Variants in ANKRD20A1 observed in about 807,000 individuals in gnomAD.
The protein encoded by ANKRD20A1 is ankyrin repeat domain 20 family member A1.
ANKRD20A1 carries 2 observed loss-of-function variants against 50.9 expected under a neutral mutation model. The ratio of observed to expected loss-of-function variants is 0.04; its 90% CI spans 0.02 to 0.12. The LOEUF is 0.12. Among genes scored for constraint, ANKRD20A1 ranks in the 10% least tolerant of loss-of-function variants. ANKRD20A1 has a pLI of 1.00. For missense variants in ANKRD20A1, 31 were observed against 548.1 expected (o/e 0.06, Z 9.42); for synonymous variants, 10 against 186.2 (o/e 0.05, Z 7.70).
At chr9:67,865,563 ATTTG>A (rs1298454330) in intron 3 of ANKRD20A1, among the ~76,000 whole-genome samples, 4 of 149,106 alleles carry the variant, frequency 2.7e-5, no homozygotes, top group Admixed American at 6.7e-5. Flanking sequence ...TGGTACACAG[ATTTG>A]TTTGTTTGCC....
intron 8 of ANKRD20A1, among the ~76,000 whole-genome samples, chr9:67,881,776 CAG>C (rs1827801973): frequency 6.6e-6 from 1 of 151,364 alleles, no homozygotes; most frequent in Non-Finnish European, 1.5e-5. Context: ...GCCTGGGTGA[CAG>C]AGCAAGACTA....
chr9:67,869,185 C>CA (rs1827622873), intron 5 of ANKRD20A1, among the ~76,000 whole-genome samples: 1 of 10,250 alleles, frequency 9.8e-5, no homozygotes, highest in African/African-American at 2.3e-4. Context: ...CCATTCTAAT[C>CA]ATTCTGTTGT....
chr9:67,870,907 A>T, intron 5 of ANKRD20A1, among the ~76,000 whole-genome samples: 1 of 116,842 alleles, frequency 8.6e-6, no homozygotes. Flanking sequence ...ACTTTGCATG[A>T]TATCCAGCTA....
At position 67,884,542 on chromosome 9, in the gene ANKRD20A1, A is replaced by G. The variant is rs1827845573; in HGVS notation, c.951A>G (p.Gly317=). Residue 317 remains glycine (G), a synonymous_variant, in exon 9 of 15, where the codon GGA becomes GGG. Coordinates refer to ENST00000562196, the MANE Select transcript of ANKRD20A1 (RefSeq NM_032250.5). The stretch of plus-strand genomic sequence containing the variant: ...TACCTGGATCTTCGCATGAAAAAGG[A>G]AACAGAATAGTCAATGGACAAGGAG... ...EPLPGSSHEK[G]NRIVNGQGEG... The G allele has an allele frequency of 1.3e-6, 2 of 1,591,874 alleles. No homozygotes were observed. The highest frequency in any genetic ancestry group is 4.6e-5 in the East Asian group (2 of 43,608).
chr9:67,859,230 G>A lies in ANKRD20A1; in HGVS notation c.-197G>A. ...AGTGTCGCTGCTGAAGGCTGTGGTGGACCGGGCTGGATCGCGGATTGTGGA... is the reference window on the plus strand; with the variant it reads ...AGTGTCGCTGCTGAAGGCTGTGGTGAACCGGGCTGGATCGCGGATTGTGGA... On this transcript the variant is annotated 5_prime_UTR_variant, in exon 1 of 15. Transcript: ENST00000562196. 2 of 437,688 alleles carry A rather than the reference G, an allele frequency of 4.6e-6. 1 individual carries two copies. The highest frequency in any genetic ancestry group is 6.2e-6 in the Non-Finnish European group (2 of 323,614). 27.1% of individuals were successfully genotyped at this position (437,688 alleles called of 1,614,324 possible). A position where few individuals can be genotyped will look rare whatever the true frequency, so the allele number is the denominator to read the frequency against.
intron 3 of ANKRD20A1, among the ~76,000 whole-genome samples, chr9:67,864,747 A>G (rs1160311923): frequency 2.1e-5 from 1 of 48,158 alleles, no homozygotes; most frequent in Non-Finnish European, 4.2e-5. Flanking sequence ...GATAAGTGCA[A>G]TATATAAATT....
rs371922017 is a variant in ANKRD20A1 at position 67,882,603 on chromosome 9, T to A, written c.895-1883T>A. ...TAAGCTTTTTATTAGCTCCAACTCA[T>A]GTTTTATTAAATATACTTTTTCAAG... On this transcript the variant is annotated intron_variant, in intron 8 of 14. Transcript: ENST00000562196. Among the ~76,000 whole-genome samples, 159 of 149,766 alleles carry A rather than the reference T, an allele frequency of 1.1e-3. 1 individual carries two copies. The East Asian group carries it at 0.016, about 15-fold the overall frequency.
chr9:67,890,621 GTA>G (rs1406010182), intron 11 of ANKRD20A1, among the ~76,000 whole-genome samples: 2 of 151,876 alleles, frequency 1.3e-5, no homozygotes, highest in Admixed American at 1.3e-4. Context: ...TGCACTATGA[GTA>G]TGGGTTTTCA....
intron 9 of ANKRD20A1, among the ~76,000 whole-genome samples, chr9:67,884,884 C>T (rs557041082): frequency 4.7e-5 from 7 of 150,214 alleles, no homozygotes; most frequent in Admixed American, 6.8e-5. Flanking sequence ...AGCGAGACTC[C>T]GTCTCAGAAA....
chr9:67,884,876 C>A (rs535261564), intron 9 of ANKRD20A1, among the ~76,000 whole-genome samples: 5 of 150,498 alleles, frequency 3.3e-5, no homozygotes, highest in Non-Finnish European at 5.9e-5. Flanking sequence ...GGCGACAGAG[C>A]GAGACTCCGT....
chr9:67,883,203 A>T (rs1426750310), intron 8 of ANKRD20A1, among the ~76,000 whole-genome samples: 24 of 150,184 alleles, frequency 1.6e-4, no homozygotes, highest in African/African-American at 5.7e-4. Context: ...ATCCTTGAGG[A>T]ATCACCATAC....
At chr9:67,881,573 C>G (rs543257796) in intron 8 of ANKRD20A1, among the ~76,000 whole-genome samples, 4 of 152,312 alleles carry the variant, frequency 2.6e-5, no homozygotes, top group East Asian at 1.9e-4. Flanking sequence ...TCAAGATCAG[C>G]CTGGCCAACG....
At position 67,884,496 on chromosome 9, in the gene ANKRD20A1, C is replaced by T. The variant is rs1371067358; in HGVS notation, c.905C>T (p.Pro302Leu). 6 of 1,588,118 alleles carry T rather than the reference C, an allele frequency of 3.8e-6. No homozygotes were observed. The highest frequency in any genetic ancestry group is 5.1e-6 in the Non-Finnish European group (6 of 1,176,508). The change falls in exon 9 of 15, where the codon CCC becomes CTC. Residue 302 changes from proline (P) to leucine (L), a missense_variant. Pro to Leu is a moderately conservative substitution (Grantham distance 98, BLOSUM62 -3). Coordinates refer to ENST00000562196, the MANE Select transcript of ANKRD20A1 (RefSeq NM_032250.5). ...DLNVATKQCV[P>L]EKVSEPLPGS... ...TTGATATTACCTTAGCAGTGTGTCC[C>T]CGAGAAAGTGTCAGAGCCTTTACCT...
Position 67,867,543 on chromosome 9 carries a change from A to G in ANKRD20A1, c.599+160A>G, listed in dbSNP as rs1183439747. Among the ~76,000 whole-genome samples, 3 of 152,278 alleles carry G rather than the reference A, an allele frequency of 2.0e-5. No individual in the cohort carries two copies. The East Asian group carries it at 5.8e-4, about 29-fold the overall frequency. ...AGCAAATATTTGGACTGAGTAACATAAAGAATAGTATATAGTAGGATTCAT... is the reference window on the plus strand; with the variant it reads ...AGCAAATATTTGGACTGAGTAACATGAAGAATAGTATATAGTAGGATTCAT... On this transcript the variant is annotated intron_variant, in intron 4 of 14. Transcript: ENST00000562196.
chr9:67,872,364 G>A lies in ANKRD20A1; in HGVS notation c.793+1152G>A, dbSNP rs183341699. On this transcript the variant is annotated intron_variant, in intron 6 of 14. Transcript: ENST00000562196. ...TACATACACATACACACACGCACAT[G>A]TGCACACACCTGTGCACACAGACAC... Among the ~76,000 whole-genome samples, 219 of 133,528 alleles carry A rather than the reference G, an allele frequency of 1.6e-3. 45 individuals are homozygous for A. Among genetic ancestry groups the A allele is most frequent in the African/African-American group, 6.0e-3 (215 of 36,012 alleles). The allele number at this position is 133,528 out of a possible 152,430, so 87.6% of individuals were successfully genotyped here. A position where few individuals can be genotyped will look rare whatever the true frequency, so the allele number is the denominator to read the frequency against.
At chr9:67,882,312 A>G (rs2131556418) in intron 8 of ANKRD20A1, among the ~76,000 whole-genome samples, 1 of 151,474 alleles carries the variant, frequency 6.6e-6, no homozygotes, top group Admixed American at 6.6e-5. Flanking sequence ...AAATAGACAA[A>G]TGAATTTTTA....
intron 6 of ANKRD20A1, among the ~76,000 whole-genome samples, chr9:67,874,997 T>TTATG (rs1326085716): frequency 3.7e-5 from 1 of 27,208 alleles, no homozygotes; most frequent in Admixed American, 7.3e-4. Flanking sequence ...ATTTATTTAT[T>TTATG]TATTGTAATT....
chr9:67,882,225 G>T (rs1238011661), intron 8 of ANKRD20A1, among the ~76,000 whole-genome samples: 2 of 151,146 alleles, frequency 1.3e-5, no homozygotes, highest in African/African-American at 2.4e-5. Context: ...GGGCTCAAGT[G>T]TTCTGCCTGC....
chr9:67,882,400 A>C (rs62546055), intron 8 of ANKRD20A1, among the ~76,000 whole-genome samples: 1 of 141,766 alleles, frequency 7.1e-6, no homozygotes, highest in Non-Finnish European at 1.5e-5. Flanking sequence ...TATTGCTTAC[A>C]TTGTATTTTT....
Sources: gnomAD v4.1 joint callset for allele counts (sites outside exome capture counted in the v4.1 genomes callset) on GRCh38, gnomAD v4.1.1 for gene constraint, MANE v1.5 for transcripts, NCBI Gene and HGNC (gene_info 2026-07-23, HGNC 2026-07-21) for gene names.